TBX1: variants seen among roughly 807,000 people sequenced by gnomAD.
TBX1 encodes T-box transcription factor TBX1.
TBX1 carries 16 observed loss-of-function variants against 40.8 expected under a neutral mutation model. The observed-to-expected ratio is 0.39, with a 90% CI of 0.27 to 0.60. The LOEUF is 0.60. TBX1 is among the 20% of genes least tolerant of loss of function. The pLI is 0.51. For missense variants in TBX1, 755 were observed against 728.5 expected (o/e 1.04, Z -0.42); for synonymous variants, 403 against 336.8 (o/e 1.20, Z -2.15).
upstream of TBX1, among the ~76,000 whole-genome samples, chr22:19,760,483 G>A (rs1936609559): frequency 6.8e-6 from 1 of 148,104 alleles, no homozygotes; most frequent in Non-Finnish European, 1.5e-5. Context: ...GGGAGAGAGA[G>A]AGGAGAAACG....
chr22:19,772,794 T>C (rs1318915861), intron 8 of TBX1, among the ~76,000 whole-genome samples: 1 of 152,226 alleles, frequency 6.6e-6, no homozygotes, highest in Non-Finnish European at 1.5e-5. Context: ...TGCTCATGGC[T>C]GTGGTTTGGA....
At position 19,764,326 on chromosome 22, in the gene TBX1, C is replaced by T. The variant is rs200021644; in HGVS notation, c.711C>T (p.His237=). The part of the protein sequence containing the change: ...LTNNLLDDNG[H]IILNSMHRYQ... ...ACAACCTACTGGACGACAACGGCCA[C>T]GTGAGCGACTGCCTCCCCAGGCTCC... The change falls in exon 3 of 7, where the codon CAC becomes CAT. Residue 237 remains histidine (H), a splice_region_variant and synonymous_variant. Transcript: ENST00000649276. The T allele has an allele frequency of 2.8e-4, 451 of 1,611,150 alleles. No individual in the cohort carries two copies. The highest frequency in any genetic ancestry group is 3.6e-4 in the Non-Finnish European group (422 of 1,179,874).
chr22:19,765,706 G>A lies in TBX1; in HGVS notation c.868-52G>A, dbSNP rs2145836331. 3.1e-6 allele frequency: 5 copies of A among 1,602,978 alleles called. No individual in the cohort carries two copies. The South Asian group carries it at 4.5e-5, about 14-fold the overall frequency. On this transcript the variant is annotated intron_variant, in intron 4 of 6. Coordinates refer to ENST00000649276, the MANE Select transcript of TBX1 (RefSeq NM_001379200.1). ...CTCCCCTATCCTCCGCCGAGGTCGGGTGGCCCAGGCTGCAGGGCTCCAGCG... is the reference window on the plus strand; with the variant it reads ...CTCCCCTATCCTCCGCCGAGGTCGGATGGCCCAGGCTGCAGGGCTCCAGCG...
intron 4 of TBX1, 137 bp downstream of exon 4, chr22:19,765,250 GCCC>G (rs774681534): frequency 2.2e-6 from 3 of 1,348,318 alleles, no homozygotes; most frequent in Non-Finnish European, 3.1e-6. Flanking sequence ...CCCAACTGGA[GCCC>G]CACTCCCAAG....
downstream of TBX1, among the ~76,000 whole-genome samples, chr22:19,768,953 C>CCTTTTTTTTTTTTTTT (rs1936939332): frequency 7.6e-5 from 5 of 66,110 alleles, no homozygotes; most frequent in African/African-American, 2.5e-4. Flanking sequence ...TGTTCGCATT[C>CCTTTTTTTTTTTTTTT]TTTTTTTTTT....
chr22:19,763,394 G>C (rs759428991), intron 2 of TBX1, 52 bp downstream of exon 2: 5 of 1,569,258 alleles, frequency 3.2e-6, no homozygotes, highest in Non-Finnish European at 4.4e-6. Context: ...CTGGAAAGTG[G>C]CGGGTCTCCG....
intron 3 of TBX1, among the ~76,000 whole-genome samples, 164 bp downstream of exon 3, chr22:19,764,490 CT>C (rs1936769498): frequency 6.6e-6 from 1 of 152,224 alleles, no homozygotes; most frequent in Non-Finnish European, 1.5e-5. Flanking sequence ...AGGCTAGAGG[CT>C]GAGGCGGAGC....
chr22:19,761,340 C>G, intron 1 of TBX1, 60 bp downstream of exon 1: 1 of 1,474,972 alleles, frequency 6.8e-7, no homozygotes, highest in Non-Finnish European at 9.1e-7. Context: ...GGGCTGCGGG[C>G]CTCCGCCTGA....
At chr22:19,778,110 GA>G (rs1031869222) in intron 8 of TBX1, among the ~76,000 whole-genome samples, 95 of 152,028 alleles carry the variant, frequency 6.2e-4, no homozygotes, top group African/African-American at 2.3e-3. Context: ...CTCATTTCAA[GA>G]GACAGGATCT....
downstream of TBX1, among the ~76,000 whole-genome samples, chr22:19,781,939 G>A (rs571689683): frequency 6.6e-5 from 10 of 151,856 alleles, no homozygotes; most frequent in South Asian, 2.1e-4. Context: ...ACTGGGCAAC[G>A]CAGTGAGACC....
exon 9 of TBX1, chr22:19,779,425 T>C (rs1208975605): frequency 1.9e-6 from 3 of 1,614,132 alleles, no homozygotes; most frequent in Non-Finnish European, 2.5e-6. Context: ...GGCCGGGCCA[T>C]GGGCACATGG....
chr22:19,760,985 G>A lies in TBX1; in HGVS notation c.142G>A (p.Gly48Ser). The change falls in exon 1 of 7, where the codon GGC becomes AGC. Residue 48 changes from glycine (G) to serine (S), a missense_variant. This residue lies in a region of TBX1 where 199 missense variants were observed against 173.0 expected (regional missense o/e 1.15). Coordinates refer to ENST00000649276, the MANE Select transcript of TBX1 (RefSeq NM_001379200.1). ...GAASPGADPYGPREPPPPPPR... is the reference protein window; with the variant it reads ...GAASPGADPYSPREPPPPPPR... Reference sequence around the variant, plus strand: ...CGCGTCGCCCGGCGCCGACCCGTACGGCCCGCGCGAGCCCCCGCCGCCGCC... The same window carrying A: ...CGCGTCGCCCGGCGCCGACCCGTACAGCCCGCGCGAGCCCCCGCCGCCGCC... The A allele has an allele frequency of 1.0e-6, 1 of 964,654 alleles. No homozygotes were observed. The highest frequency in any genetic ancestry group is 1.2e-6 in the Non-Finnish European group (1 of 814,026). 59.8% of individuals were successfully genotyped at this position (964,654 alleles called of 1,614,324 possible). A position where few individuals can be genotyped will look rare whatever the true frequency, so the allele number is the denominator to read the frequency against.
downstream of TBX1, chr22:19,783,039 G>T (rs72646974): frequency 1.7e-5 from 15 of 875,970 alleles, no homozygotes; most frequent in Non-Finnish European, 3.0e-5. Context: ...TCAGGTTGGT[G>T]GTCCCCGCTG....
At chr22:19,763,413 C>A in intron 2 of TBX1, 71 bp downstream of exon 2, 2 of 1,439,424 alleles carry the variant, frequency 1.4e-6, no homozygotes, top group Non-Finnish European at 9.7e-7. Flanking sequence ...CGCCTGGTGA[C>A]CCAACTCCAA....
upstream of TBX1, among the ~76,000 whole-genome samples, chr22:19,760,569 G>GC (rs1240400418): frequency 2.4e-4 from 33 of 139,762 alleles, no homozygotes; most frequent in Admixed American, 2.1e-3. Context: ...CGGTCGGGGG[G>GC]CCCCGGGCCG....
Position 19,766,906 on chromosome 22 carries a change from C to T in TBX1, c.*39C>T, listed in dbSNP as rs1037247493. The stretch of plus-strand genomic sequence containing the variant: ...GCGCTCCCGCCCCGGTCCTGCACAG[C>T]CCCGAAGTTCGCCGGGCCCGGCCAC... On this transcript the variant is annotated 3_prime_UTR_variant, in exon 7 of 7. Coordinates refer to ENST00000649276, the MANE Select transcript of TBX1 (RefSeq NM_001379200.1). 6.4e-7 allele frequency: 1 copy of T among 1,574,498 alleles called. No homozygotes were observed. The highest frequency in any genetic ancestry group is 8.6e-7 in the Non-Finnish European group (1 of 1,168,464).
downstream of TBX1, among the ~76,000 whole-genome samples, chr22:19,770,463 C>T (rs41299940): frequency 1.1e-3 from 172 of 152,322 alleles, no homozygotes; most frequent in Non-Finnish European, 2.0e-3. Flanking sequence ...AATGGGCACT[C>T]CATTGCCCAG....
At position 19,762,523 on chromosome 22, in the gene TBX1, G is replaced by T. The variant is rs1046538357; in HGVS notation, c.438-718G>T. On this transcript the variant is annotated intron_variant, in intron 1 of 6. Coordinates refer to ENST00000649276, the MANE Select transcript of TBX1 (RefSeq NM_001379200.1). ...TGCAGAATGTCCTTTCAAGAGCCCT[G>T]ACTGGTCACTGAGCCAGGGTCCAAA... Among the ~76,000 whole-genome samples, 4 of 152,238 alleles carry T rather than the reference G, an allele frequency of 2.6e-5. No individual in the cohort carries two copies. In the East Asian group the frequency reaches 7.7e-4, roughly 29 times the overall value.
At chr22:19,763,029 AGGCTCC>A (rs1197702239) in intron 1 of TBX1, among the ~76,000 whole-genome samples, 1 of 152,178 alleles carries the variant, frequency 6.6e-6, no homozygotes, top group African/African-American at 2.4e-5. Flanking sequence ...ACGGCCCAGG[AGGCTCC>A]CCTGCTGCGC....
Sources: gnomAD v4.1 joint callset for allele counts (sites outside exome capture counted in the v4.1 genomes callset) on GRCh38, gnomAD v4.1.1 for gene constraint, gnomAD v4.1.1 regional missense constraint, MANE v1.5 for transcripts, NCBI Gene and HGNC (gene_info 2026-07-23, HGNC 2026-07-21) for gene names.